The following ULK4 variants were observed in gnomAD, a reference collection of about 807,000 sequenced individuals.
ULK4 encodes the protein inactive serine/threonine-protein kinase ULK4.
In ULK4, 133 loss-of-function variants were observed where a neutral mutation model predicts 160.6. The ratio of observed to expected loss-of-function variants is 0.83; its 90% CI spans 0.72 to 0.96. The LOEUF (loss-of-function observed/expected upper bound fraction) is 0.96, where lower values mean the gene tolerates loss of function less well. Ranked by LOEUF, ULK4 falls within the 40% of genes least tolerant of loss-of-function variation. The pLI is 0.00. For missense variants in ULK4, 1,580 were observed against 1,499.5 expected, an observed-to-expected ratio of 1.05 and a Z score of -0.89; for synonymous variants, 534 against 539.8, an observed-to-expected ratio of 0.99 and a Z score of 0.15.
chr3:41,946,377 G>A (rs1160288780), intron 2 of ULK4, among the ~76,000 whole-genome samples: 1 of 152,022 alleles, frequency 6.6e-6, no homozygotes. Flanking sequence ...AGTGCTGGGG[G>A]CAGTGTTGAA....
chr3:41,714,991 T>C (rs2037217723), intron 25 of ULK4, among the ~76,000 whole-genome samples: 3 of 152,322 alleles, frequency 2.0e-5, no homozygotes, highest in East Asian at 3.9e-4. Flanking sequence ...TATGAAAGTG[T>C]TTCTGTGGAC....
intron 32 of ULK4, among the ~76,000 whole-genome samples, chr3:41,515,538 G>C (rs2085721769): frequency 6.6e-6 from 1 of 152,212 alleles, no homozygotes; most frequent in Non-Finnish European, 1.5e-5. Context: ...AACTGACACA[G>C]TTCTGCATGT....
intron 19 of ULK4, among the ~76,000 whole-genome samples, chr3:41,818,963 C>T (rs937399093): frequency 2.0e-5 from 3 of 152,182 alleles, no homozygotes; most frequent in African/African-American, 4.8e-5. Flanking sequence ...AATCACATCA[C>T]GTAATAAATA....
intron 22 of ULK4, among the ~76,000 whole-genome samples, chr3:41,719,865 G>A (rs1477199081): frequency 2.6e-5 from 4 of 151,992 alleles, no homozygotes; most frequent in Non-Finnish European, 4.4e-5. Flanking sequence ...TGAACTTCAC[G>A]GCCTGACCCC....
intron 21 of ULK4, among the ~76,000 whole-genome samples, chr3:41,778,179 T>C (rs1236046440): frequency 9.0e-6 from 1 of 111,434 alleles, no homozygotes; most frequent in Non-Finnish European, 1.7e-5. Flanking sequence ...AGCATTCTTA[T>C]ACACCAACAA....
chr3:41,699,107 T>G (rs2036589398), intron 27 of ULK4, among the ~76,000 whole-genome samples: 1 of 152,164 alleles, frequency 6.6e-6, no homozygotes, highest in Non-Finnish European at 1.5e-5. Context: ...TGAATATATA[T>G]TTAGAAGTAA....
intron 17 of ULK4, among the ~76,000 whole-genome samples, chr3:41,840,596 C>T (rs145000667): frequency 0.059 from 9,031 of 152,306 alleles, 860 homozygotes; most frequent in African/African-American, 0.2. Flanking sequence ...GGCTGGTCTC[C>T]GGCTCCTGAC....
chr3:41,332,646 G>A (rs2080470161), intron 35 of ULK4, among the ~76,000 whole-genome samples: 2 of 152,146 alleles, frequency 1.3e-5, no homozygotes, highest in African/African-American at 2.4e-5. Context: ...TTATATTTTT[G>A]TAATAATTTC....
chr3:41,796,988 G>A (rs1291155593), intron 20 of ULK4, among the ~76,000 whole-genome samples: 1 of 152,146 alleles, frequency 6.6e-6, no homozygotes, highest in Non-Finnish European at 1.5e-5. Context: ...CCAAATCTGG[G>A]ATGATTAGAG....
At chr3:41,328,177 G>T (rs916889008) in intron 35 of ULK4, among the ~76,000 whole-genome samples, 2 of 152,142 alleles carry the variant, frequency 1.3e-5, no homozygotes, top group Admixed American at 6.6e-5. Flanking sequence ...TACTCCTGTC[G>T]AACATTATGG....
At chr3:41,767,636 A>C (rs533503752) in intron 21 of ULK4, among the ~76,000 whole-genome samples, 3 of 152,212 alleles carry the variant, frequency 2.0e-5, no homozygotes, top group African/African-American at 7.2e-5. Flanking sequence ...ATGCAAAAAA[A>C]AAGAATTCAC....
intron 34 of ULK4, among the ~76,000 whole-genome samples, chr3:41,400,562 G>C (rs1482479797): frequency 1.3e-5 from 2 of 152,126 alleles, no homozygotes; most frequent in Admixed American, 6.6e-5. Context: ...ATGTACCATA[G>C]TTTAACTCAT....
rs756001134 is a variant in ULK4 at position 41,249,519 on chromosome 3, C to T, written c.3734G>A (p.Arg1245Gln). 1.3e-5 allele frequency: 21 copies of T among 1,613,938 alleles called. No homozygotes were observed. Among genetic ancestry groups the T allele is most frequent in the Admixed American group, 6.7e-5 (4 of 59,980 alleles). The change falls in exon 36 of 37, where the codon CGG becomes CAG. Residue 1245 changes from arginine (R) to glutamine (Q), a missense_variant. Transcript: ENST00000301831. The part of the protein sequence containing the change: ...ESLKNAGSLL[R>Q]ALERLAPGSG... ...CCCAGGGGCCAGCCGCTCCAGAGCC[C>T]GCAGGAGGCTGCCTGCATTCTTGAG...
chr3:41,342,756 C>A (rs1356118629), intron 35 of ULK4, among the ~76,000 whole-genome samples: 1 of 152,144 alleles, frequency 6.6e-6, no homozygotes, highest in Non-Finnish European at 1.5e-5. Flanking sequence ...CCGATGAACA[C>A]CGATGTAAAA....
intron 19 of ULK4, among the ~76,000 whole-genome samples, chr3:41,808,765 T>G (rs2040728533): frequency 6.6e-6 from 1 of 152,202 alleles, no homozygotes; most frequent in Admixed American, 6.5e-5. Flanking sequence ...TAGCCTTGCC[T>G]CTCATTTTTT....
intron 21 of ULK4, among the ~76,000 whole-genome samples, chr3:41,781,979 T>A (rs1013443949): frequency 6.6e-6 from 1 of 152,180 alleles, no homozygotes; most frequent in Non-Finnish European, 1.5e-5. Context: ...TGGCCATGAA[T>A]GAAAAATTGT....
At chr3:41,948,424 C>A (rs375054767) in intron 2 of ULK4, among the ~76,000 whole-genome samples, 2 of 152,006 alleles carry the variant, frequency 1.3e-5, no homozygotes, top group African/African-American at 4.8e-5. Flanking sequence ...GCACTCCAGC[C>A]TGGACGAAAG....
At chr3:41,746,608 G>T (rs1272576283) in intron 22 of ULK4, among the ~76,000 whole-genome samples, 2 of 151,684 alleles carry the variant, frequency 1.3e-5, no homozygotes, top group African/African-American at 2.4e-5. Context: ...AGCCCAGCAA[G>T]GTTTTGGCAA....
chr3:41,746,577 T>C (rs1343983546), intron 22 of ULK4, among the ~76,000 whole-genome samples: 1 of 151,542 alleles, frequency 6.6e-6, no homozygotes, highest in Non-Finnish European at 1.5e-5. Context: ...TATCCCTGTA[T>C]TGATGTATTA....
Sources: gnomAD v4.1 joint callset for allele counts (sites outside exome capture counted in the v4.1 genomes callset) on GRCh38, gnomAD v4.1.1 for gene constraint, MANE v1.5 for transcripts, NCBI Gene and HGNC (gene_info 2026-07-23, HGNC 2026-07-21) for gene names.